The following HSPA4L variants were observed in gnomAD, a reference collection of about 807,000 sequenced individuals.
The protein encoded by HSPA4L is heat shock protein family A (Hsp70) member 4 like.
In HSPA4L, 48 loss-of-function variants were observed where a neutral mutation model predicts 100.3. That is an observed-to-expected ratio of 0.48 (90% CI 0.38 to 0.61). The LOEUF (loss-of-function observed/expected upper bound fraction) is 0.61, where lower values mean the gene tolerates loss of function less well. Ranked by LOEUF, HSPA4L falls within the 20% of genes least tolerant of loss-of-function variation. HSPA4L has a pLI of 0.00. For missense variants in HSPA4L, 886 were observed against 988.6 expected (o/e 0.90, Z 1.39); for synonymous variants, 319 against 328.2 (o/e 0.97, Z 0.30).
Position 127,839,368 on chromosome 4 carries a change from C to T in HSPA4L, c.*6494C>T, listed in dbSNP as rs1023521210. 1 of 152,382 alleles carries T rather than the reference C, an allele frequency of 6.6e-6. No individual in the cohort carries two copies. Among genetic ancestry groups the T allele is most frequent in the Non-Finnish European group, 1.5e-5 (1 of 68,242 alleles). 9.4% of individuals were successfully genotyped at this position (152,382 alleles called of 1,614,324 possible). The stretch of plus-strand genomic sequence containing the variant: ...TTGGGAGGCCGAGGCAGGTGGATCG[C>T]CTGAGCTCAGGAGTTCAAGACCAGC... On this transcript the variant is annotated 3_prime_UTR_variant, in exon 19 of 19. Coordinates refer to ENST00000296464, the MANE Select transcript of HSPA4L (RefSeq NM_014278.4).
intron 18 of HSPA4L, among the ~76,000 whole-genome samples, chr4:127,832,249 C>T (rs999539359): frequency 2.0e-5 from 3 of 151,938 alleles, no homozygotes; most frequent in Admixed American, 6.6e-5. Flanking sequence ...AAAAAAATGT[C>T]GTTTGTGTAT....
chr4:127,809,768 TAGCA>T (rs2148790076), intron 11 of HSPA4L, among the ~76,000 whole-genome samples: 1 of 152,254 alleles, frequency 6.6e-6, no homozygotes, highest in Non-Finnish European at 1.5e-5. Flanking sequence ...CCCCAACCCC[TAGCA>T]AGTTTGACTG....
At chr4:127,829,647 G>A (rs1159711535) in intron 17 of HSPA4L, among the ~76,000 whole-genome samples, 1 of 152,080 alleles carries the variant, frequency 6.6e-6, no homozygotes, top group Non-Finnish European at 1.5e-5. Flanking sequence ...CTGAGATGAG[G>A]AAAACTGGGA....
At chr4:127,797,758 C>T (rs1287739538) in intron 3 of HSPA4L, among the ~76,000 whole-genome samples, 2 of 151,982 alleles carry the variant, frequency 1.3e-5, no homozygotes, top group South Asian at 4.1e-4. Context: ...CCTGCCACCA[C>T]GCCCAGCTAA....
chr4:127,788,506 A>G (rs927070964), intron 1 of HSPA4L, among the ~76,000 whole-genome samples: 5 of 152,176 alleles, frequency 3.3e-5, no homozygotes, highest in South Asian at 2.1e-4. Flanking sequence ...AGATCCCTTA[A>G]TTTGTTCATA....
chr4:127,828,392 C>G (rs1734000935), intron 17 of HSPA4L, among the ~76,000 whole-genome samples: 1 of 152,018 alleles, frequency 6.6e-6, no homozygotes, highest in African/African-American at 2.4e-5. Context: ...TGTGGATTAT[C>G]TCACCAGGAT....
At chr4:127,802,825 G>A (rs563582247) in intron 6 of HSPA4L, among the ~76,000 whole-genome samples, 3 of 152,164 alleles carry the variant, frequency 2.0e-5, no homozygotes, top group East Asian at 3.9e-4. Flanking sequence ...TCTGTGGGGC[G>A]ACATTCCACG....
intron 1 of HSPA4L, chr4:127,783,480 G>A: frequency 6.9e-7 from 1 of 1,444,008 alleles, no homozygotes; most frequent in Non-Finnish European, 9.0e-7. Flanking sequence ...CTTAATGAAA[G>A]GCTTAGGAGG....
At chr4:127,804,377 G>A (rs956023836) in intron 8 of HSPA4L, among the ~76,000 whole-genome samples, 1 of 151,930 alleles carries the variant, frequency 6.6e-6, no homozygotes, top group Non-Finnish European at 1.5e-5. Flanking sequence ...AGGCCGAGGT[G>A]GGTGGATCAC....
chr4:127,782,114 G>C, upstream of HSPA4L: 1 of 447,896 alleles, frequency 2.2e-6, no homozygotes, highest in South Asian at 1.6e-5. Context: ...CGCTTCTCCC[G>C]CCCCCGGATA....
chr4:127,803,125 G>GT (rs1733240608), intron 6 of HSPA4L, among the ~76,000 whole-genome samples: 2 of 151,872 alleles, frequency 1.3e-5, no homozygotes, highest in East Asian at 1.9e-4. Context: ...TGTGTTTTTT[G>GT]TTTTTTTGTG....
intron 12 of HSPA4L, among the ~76,000 whole-genome samples, chr4:127,817,538 T>C (rs984988503): frequency 1.3e-5 from 2 of 152,090 alleles, no homozygotes; most frequent in Admixed American, 6.6e-5. Flanking sequence ...ATTATATATA[T>C]GGGATTATTT....
chr4:127,800,781 T>A (rs1733153266), intron 4 of HSPA4L, among the ~76,000 whole-genome samples: 1 of 152,206 alleles, frequency 6.6e-6, no homozygotes, highest in Non-Finnish European at 1.5e-5. Context: ...TATATGGATA[T>A]ACCATAATAT....
rs1734115106 is a variant in HSPA4L at position 127,832,719 on chromosome 4, C to A, written c.2365C>A (p.Pro789Thr). 9 of 1,611,916 alleles carry A rather than the reference C, an allele frequency of 5.6e-6. No homozygotes were observed. The highest frequency in any genetic ancestry group is 7.6e-6 in the Non-Finnish European group (9 of 1,179,022). Residue 789 changes from proline to threonine, a missense_variant, in exon 19 of 19, where the codon CCC becomes ACC. Physicochemically the swap from Pro to Thr is conservative, Grantham distance 38. Coordinates refer to ENST00000296464, the MANE Select transcript of HSPA4L (RefSeq NM_014278.4). ...DNFCNPIIYK[P>T]KPKAEVPEDK... ...TTTCTGTAACCCCATCATTTACAAG[C>A]CCAAACCAAAAGCAGAAGTTCCTGA... is the stretch of plus-strand genomic sequence containing the variant.
At chr4:127,806,105 T>TTTATC (rs1326767828) in intron 10 of HSPA4L, among the ~76,000 whole-genome samples, 4 of 152,112 alleles carry the variant, frequency 2.6e-5, no homozygotes, top group Admixed American at 6.5e-5. Flanking sequence ...TAAAAGCTAG[T>TTTATC]TTATCTGTCC....
intron 18 of HSPA4L, among the ~76,000 whole-genome samples, chr4:127,831,486 C>T (rs1214100481): frequency 7.9e-6 from 1 of 126,090 alleles, no homozygotes; most frequent in Non-Finnish European, 1.6e-5. Context: ...GGTGACAGAG[C>T]AAGACCTTGT....
intron 12 of HSPA4L, among the ~76,000 whole-genome samples, chr4:127,815,500 A>C (rs1210827329): frequency 6.6e-6 from 1 of 152,152 alleles, no homozygotes; most frequent in Non-Finnish European, 1.5e-5. Flanking sequence ...GCAAAAAAAA[A>C]AAAAAATTAT....
Position 127,801,058 on chromosome 4 carries a change from A to G in HSPA4L, c.430-80A>G, listed in dbSNP as rs1346525224. 8 of 1,000,192 alleles carry G rather than the reference A, an allele frequency of 8.0e-6. No individual in the cohort carries two copies. The East Asian group carries it at 2.1e-4, about 26-fold the overall frequency. 62.0% of individuals were successfully genotyped at this position (1,000,192 alleles called of 1,614,324 possible). On this transcript the variant is annotated intron_variant, in intron 4 of 18. Coordinates refer to ENST00000296464, the MANE Select transcript of HSPA4L (RefSeq NM_014278.4). ...CTTTATTTGCCTTAAACTGTACATA[A>G]GTTTTAGGGTAATTATATTTTTCAG...
rs1202575491 is a variant in HSPA4L, at chr4:127,827,295, A to G, written c.2047-10A>G. 2 of 1,598,910 alleles carry G rather than the reference A, an allele frequency of 1.3e-6. No individual in the cohort carries two copies. The highest frequency in any genetic ancestry group is 1.7e-6 in the Non-Finnish European group (2 of 1,175,020). ...AATTTTTCTTCTTTAAAAATTTCTT[A>G]TGTTAACAGAAATACGGCCAGCCTA... is the stretch of plus-strand genomic sequence containing the variant. On this transcript the variant is annotated splice_polypyrimidine_tract_variant and intron_variant, in intron 16 of 18. Coordinates refer to ENST00000296464, the MANE Select transcript of HSPA4L (RefSeq NM_014278.4).
Sources: gnomAD v4.1 joint callset for allele counts (sites outside exome capture counted in the v4.1 genomes callset) on GRCh38, gnomAD v4.1.1 for gene constraint, MANE v1.5 for transcripts, NCBI Gene and HGNC (gene_info 2026-07-23, HGNC 2026-07-21) for gene names.